NRG3: variants seen among roughly 807,000 people sequenced by gnomAD.
NRG3 encodes neuregulin 3.
Under a neutral mutation model 66.9 loss-of-function variants are expected in NRG3, and 31 were observed. The ratio of observed to expected loss-of-function variants is 0.46; its 90% CI spans 0.35 to 0.63. The LOEUF is 0.63. Ranked by LOEUF, NRG3 falls within the 20% of genes least tolerant of loss-of-function variation. NRG3 has a pLI of 0.00. For missense variants in NRG3, 910 were observed against 878.9 expected, an observed-to-expected ratio of 1.04 and a Z score of -0.45; for synonymous variants, 393 against 359.4, an observed-to-expected ratio of 1.09 and a Z score of -1.06.
At chr10:82,847,356 C>T (rs374292665) in intron 3 of NRG3, among the ~76,000 whole-genome samples, 3 of 151,908 alleles carry the variant, frequency 2.0e-5, no homozygotes, top group Non-Finnish European at 2.9e-5. Context: ...GGTACAGTGG[C>T]GAGTAGATAT....
At chr10:82,209,668 A>G (rs1343050441) in intron 1 of NRG3, among the ~76,000 whole-genome samples, 1 of 152,180 alleles carries the variant, frequency 6.6e-6, no homozygotes, top group East Asian at 1.9e-4. Flanking sequence ...TGTAAATATT[A>G]TCTCAGAAGT....
chr10:82,779,197 A>T (rs533657788), intron 3 of NRG3, among the ~76,000 whole-genome samples: 1 of 152,302 alleles, frequency 6.6e-6, no homozygotes, highest in African/African-American at 2.4e-5. Flanking sequence ...AGCTGGGCTT[A>T]GAACCTGTGA....
At chr10:82,777,609 G>A (rs574789080) in intron 3 of NRG3, among the ~76,000 whole-genome samples, 1 of 152,238 alleles carries the variant, frequency 6.6e-6, no homozygotes, top group East Asian at 1.9e-4. Flanking sequence ...CTGGTCCTGG[G>A]GATCAAGGTG....
Position 82,070,018 on chromosome 10 carries a change from C to T in NRG3, c.823+193855C>T, listed in dbSNP as rs542315915. Among the ~76,000 whole-genome samples the T allele has an allele frequency of 2.0e-4, 31 of 152,320 alleles. No homozygotes were observed. In the South Asian group the frequency reaches 6.0e-3, roughly 30 times the overall value. On this transcript the variant is annotated intron_variant, in intron 1 of 8. Coordinates refer to ENST00000372141, the MANE Select transcript of NRG3 (RefSeq NM_001010848.4). ...ATTAAACACCATCTGCAAAAATCCT[C>T]ATCACCCAAGAAAATAACAGATCGT...
chr10:82,194,440 T>G (rs2074340276), intron 1 of NRG3, among the ~76,000 whole-genome samples: 1 of 152,000 alleles, frequency 6.6e-6, no homozygotes, highest in Admixed American at 6.5e-5. Flanking sequence ...AGATGAGAAG[T>G]GGAATCCAGA....
chr10:82,285,591 A>G (rs2079374613), intron 1 of NRG3, among the ~76,000 whole-genome samples: 1 of 152,140 alleles, frequency 6.6e-6, no homozygotes, highest in Non-Finnish European at 1.5e-5. Flanking sequence ...TCCAGAGCAG[A>G]GTTTATCAGT....
chr10:82,434,338 AAGTTTTTG>A (rs1245079237), intron 2 of NRG3, among the ~76,000 whole-genome samples: 1 of 151,930 alleles, frequency 6.6e-6, no homozygotes, highest in Non-Finnish European at 1.5e-5. Flanking sequence ...TCAGTTCAAG[AAGTTTTTG>A]AGCTGAGATG....
intron 1 of NRG3, among the ~76,000 whole-genome samples, chr10:82,164,558 T>G (rs2071884452): frequency 6.6e-6 from 1 of 152,132 alleles, no homozygotes; most frequent in Non-Finnish European, 1.5e-5. Flanking sequence ...CTCTGGTATG[T>G]ATCATTTTAC....
chr10:82,034,382 C>T (rs146891948), intron 1 of NRG3, among the ~76,000 whole-genome samples: 48 of 152,100 alleles, frequency 3.2e-4, no homozygotes, highest in East Asian at 5.8e-4. Context: ...TCTTGGAAAC[C>T]GCAAGATGCA....
chr10:82,740,533 T>C (rs1565263275), intron 3 of NRG3, among the ~76,000 whole-genome samples: 1 of 152,068 alleles, frequency 6.6e-6, no homozygotes, highest in East Asian at 1.9e-4. Context: ...AAATTGCTAT[T>C]AAAATTATAG....
intron 1 of NRG3, among the ~76,000 whole-genome samples, chr10:82,266,913 C>G (rs1341090538): frequency 6.6e-6 from 1 of 152,142 alleles, no homozygotes; most frequent in African/African-American, 2.4e-5. Flanking sequence ...ATGAACTTAC[C>G]ACAAATGATG....
At chr10:81,954,584 A>G (rs930980688) in intron 1 of NRG3, among the ~76,000 whole-genome samples, 6 of 151,988 alleles carry the variant, frequency 3.9e-5, no homozygotes, top group African/African-American at 1.5e-4. Flanking sequence ...ATTTCCAGCT[A>G]TGTCTTAGGG....
chr10:82,404,752 G>C (rs991934390), intron 2 of NRG3, among the ~76,000 whole-genome samples: 2 of 152,068 alleles, frequency 1.3e-5, no homozygotes, highest in African/African-American at 4.8e-5. Flanking sequence ...TAATCTTATG[G>C]GGTCTGAGTT....
intron 2 of NRG3, among the ~76,000 whole-genome samples, chr10:82,634,836 T>C (rs1299308736): frequency 1.3e-5 from 2 of 152,180 alleles, no homozygotes; most frequent in Non-Finnish European, 2.9e-5. Flanking sequence ...GATTTTATAA[T>C]GTTACATTGT....
intron 1 of NRG3, among the ~76,000 whole-genome samples, chr10:82,221,021 G>A (rs554103319): frequency 1.3e-5 from 2 of 152,206 alleles, no homozygotes; most frequent in South Asian, 2.1e-4. Flanking sequence ...GGATCATTAG[G>A]AATATATTTA....
intron 1 of NRG3, among the ~76,000 whole-genome samples, chr10:81,972,134 A>C (rs895213086): frequency 6.6e-6 from 1 of 152,210 alleles, no homozygotes. Context: ...ATAGACTAAC[A>C]CTGTTTGAAT....
At chr10:82,663,619 G>T (rs1000006371) in intron 2 of NRG3, among the ~76,000 whole-genome samples, 1 of 152,192 alleles carries the variant, frequency 6.6e-6, no homozygotes, top group Admixed American at 6.5e-5. Context: ...TGAGCTCAGC[G>T]AGAACTTCAA....
intron 1 of NRG3, among the ~76,000 whole-genome samples, chr10:82,076,952 A>T (rs1359937298): frequency 6.6e-6 from 1 of 152,196 alleles, no homozygotes; most frequent in Non-Finnish European, 1.5e-5. Flanking sequence ...TTCATCTGTA[A>T]AAAGGCATGT....
At chr10:82,790,433 G>A (rs1287340017) in intron 3 of NRG3, among the ~76,000 whole-genome samples, 1 of 151,884 alleles carries the variant, frequency 6.6e-6, no homozygotes, top group African/African-American at 2.4e-5. Flanking sequence ...GTATCTAATA[G>A]GAAGCCTGCT....
Sources: allele counts gnomAD v4.1 joint callset (sites outside exome capture counted in the v4.1 genomes callset), GRCh38; gene constraint gnomAD v4.1.1; transcripts MANE v1.5; gene names NCBI Gene and HGNC (gene_info 2026-07-23, HGNC 2026-07-21).